Variants in PRKAR1A observed in about 807,000 individuals in gnomAD.
The protein encoded by PRKAR1A is cAMP-dependent protein kinase type I-alpha regulatory subunit.
Under a neutral mutation model 52.0 loss-of-function variants are expected in PRKAR1A, and 3 were observed. The ratio of observed to expected loss-of-function variants is 0.06; its 90% CI spans 0.03 to 0.15. The LOEUF (loss-of-function observed/expected upper bound fraction) is 0.15. Ranked by LOEUF, PRKAR1A falls within the 10% of genes least tolerant of loss-of-function variation. The pLI, the probability that PRKAR1A is intolerant of heterozygous loss-of-function variation, is 1.00. For missense variants in PRKAR1A, 240 were observed against 477.4 expected (o/e 0.50, Z 4.63); for synonymous variants, 188 against 168.4 (o/e 1.12, Z -0.90).
intron 2 of PRKAR1A, 58 bp from the exon 3 acceptor site, chr17:68,522,698 A>C: frequency 6.4e-7 from 1 of 1,566,854 alleles, no homozygotes; most frequent in Non-Finnish European, 8.8e-7. Flanking sequence ...TTGGAACATG[A>C]GAGTGCCAGC....
chr17:68,508,747 G>A (rs1303599396), upstream of PRKAR1A, among the ~76,000 whole-genome samples: 5 of 152,138 alleles, frequency 3.3e-5, no homozygotes, highest in Non-Finnish European at 4.4e-5. Flanking sequence ...TACTTGGAAC[G>A]CTTTAGTGTT....
At chr17:68,489,231 G>GATATATAA in the PRKAR1A span, among the ~76,000 whole-genome samples, 1 of 12,866 alleles carries the variant, frequency 7.8e-5, no homozygotes, top group Non-Finnish European at 1.3e-4. Flanking sequence ...TATATATATG[G>GATATATAA]AAAGTATATA....
intron 2 of PRKAR1A, among the ~76,000 whole-genome samples, chr17:68,522,259 G>GC (rs1400381414): frequency 1.3e-5 from 2 of 152,164 alleles, no homozygotes; most frequent in Non-Finnish European, 2.9e-5. Flanking sequence ...CCAGAAAATG[G>GC]CTTATTGAGT....
Position 68,522,867 on chromosome 17 carries a change from C to A in PRKAR1A, c.289C>A (p.Arg97=), listed in dbSNP as rs1555813217. Residue 97 remains arginine (R), a synonymous_variant, in exon 3 of 11, where the codon CGA becomes AGA. Coordinates refer to ENST00000589228, the MANE Select transcript of PRKAR1A (RefSeq NM_002734.5). ...CCCAGTGGTTAAAGGTAGGAGGCGA[C>A]GAGGTGCTATCAGCGCTGAGGTCTA... The part of the protein sequence containing the change: ...PNPVVKGRRR[R]GAISAEVYTE... The A allele has an allele frequency of 1.2e-6, 2 of 1,613,280 alleles. No homozygotes were observed.
intron 11 of PRKAR1A, chr17:68,551,011 G>A: frequency 1.7e-6 from 2 of 1,177,232 alleles, no homozygotes; most frequent in Non-Finnish European, 2.1e-6. Context: ...TATTCCACTG[G>A]AAGAAGCACA....
At chr17:68,518,080 G>A (rs145860685) in intron 2 of PRKAR1A, among the ~76,000 whole-genome samples, 468 of 152,370 alleles carry the variant, frequency 3.1e-3, no homozygotes, top group Middle Eastern at 0.017. Context: ...GTGGGCTCCC[G>A]TGGCCTTGGG....
chr17:68,528,676 A>G, intron 8 of PRKAR1A, 194 bp from the exon 9 acceptor site: 1 of 682,508 alleles, frequency 1.5e-6, no homozygotes, highest in South Asian at 1.8e-5. Flanking sequence ...GTAAGGATCT[A>G]AGGGCTATCT....
the PRKAR1A span, among the ~76,000 whole-genome samples, chr17:68,450,450 C>G: frequency 6.6e-6 from 1 of 152,332 alleles, no homozygotes; most frequent in South Asian, 2.1e-4. Context: ...TGACCCATCC[C>G]TGCGGTGCCC....
the PRKAR1A span, chr17:68,444,619 G>A: frequency 3.9e-5 from 61 of 1,582,316 alleles, no homozygotes; most frequent in Admixed American, 3.5e-4. Flanking sequence ...TCAGTCTACC[G>A]AACCGTTCCT....
At chr17:68,542,638 A>G in intron 11 of PRKAR1A, 1 of 1,317,100 alleles carries the variant, frequency 7.6e-7, no homozygotes, top group East Asian at 2.3e-5. Flanking sequence ...GGAGGGGTGG[A>G]CACTCTGGCT....
chr17:68,550,095 G>A (rs2086763134), intron 11 of PRKAR1A, among the ~76,000 whole-genome samples: 1 of 152,096 alleles, frequency 6.6e-6, no homozygotes, highest in Non-Finnish European at 1.5e-5. Context: ...TGGGGGAGGG[G>A]AGTGGGGAAA....
chr17:68,486,493 C>CT, the PRKAR1A span, among the ~76,000 whole-genome samples: 5 of 48,312 alleles, frequency 1.0e-4, no homozygotes, highest in Non-Finnish European at 2.0e-4. Context: ...TTCCTTCCTT[C>CT]CTTCCTTCCT....
At chr17:68,437,010 A>ATGTG in the PRKAR1A span, among the ~76,000 whole-genome samples, 239 of 77,952 alleles carry the variant, frequency 3.1e-3, 1 homozygote, top group East Asian at 0.017. Flanking sequence ...AAAAAAATAT[A>ATGTG]TATATATGTG....
the PRKAR1A span, among the ~76,000 whole-genome samples, chr17:68,481,366 C>G: frequency 3.9e-5 from 6 of 152,284 alleles, no homozygotes; most frequent in South Asian, 2.1e-4. Context: ...AATTATACAA[C>G]TTACCATAAT....
the PRKAR1A span, among the ~76,000 whole-genome samples, chr17:68,463,002 G>A: frequency 6.6e-6 from 1 of 152,156 alleles, no homozygotes. Flanking sequence ...TTGTTGGAAC[G>A]TGCTGTACGA....
chr17:68,519,831 G>T (rs2085548647), intron 2 of PRKAR1A, among the ~76,000 whole-genome samples: 1 of 152,228 alleles, frequency 6.6e-6, no homozygotes, highest in Non-Finnish European at 1.5e-5. Flanking sequence ...CAGGTACTGT[G>T]TGAAGCACTT....
At chr17:68,533,492 ACT>A, downstream of PRKAR1A, 2 of 922,860 alleles carry the variant, frequency 2.2e-6, no homozygotes, top group Non-Finnish European at 2.6e-6. Flanking sequence ...GCCCAAGTAG[ACT>A]CTTTTTTTTG....
chr17:68,517,486 A>G (rs1361484719), intron 2 of PRKAR1A, among the ~76,000 whole-genome samples: 1 of 152,230 alleles, frequency 6.6e-6, no homozygotes. Context: ...CATCCTCTTC[A>G]CATGGCAGCA....
the PRKAR1A span, among the ~76,000 whole-genome samples, chr17:68,493,100 G>T: frequency 3.3e-5 from 5 of 151,860 alleles, no homozygotes; most frequent in East Asian, 7.7e-4. Context: ...GACATGTGGT[G>T]GGGGGGAATA....
Sources: gnomAD v4.1 joint callset for allele counts (sites outside exome capture counted in the v4.1 genomes callset) on GRCh38, gnomAD v4.1.1 for gene constraint, MANE v1.5 for transcripts, NCBI Gene and HGNC (gene_info 2026-07-23, HGNC 2026-07-21) for gene names.